Variants in SEL1L2 observed in about 807,000 individuals in gnomAD.
SEL1L2 encodes the protein SEL1L2 adaptor subunit of SYVN1 ubiquitin ligase.
Under a neutral mutation model 98.8 loss-of-function variants are expected in SEL1L2, and 89 were observed. That is an observed-to-expected ratio of 0.90 (90% CI 0.76 to 1.07). The LOEUF is 1.07. Among genes scored for constraint, SEL1L2 ranks in the 50% least tolerant of loss-of-function variants. SEL1L2 has a pLI of 0.00. For synonymous variants in SEL1L2, 262 were observed against 278.5 expected (o/e 0.94, Z 0.59); for missense variants, 788 against 812.0 (o/e 0.97, Z 0.36).
intron 1 of SEL1L2, among the ~76,000 whole-genome samples, chr20:13,965,046 T>G (rs1241432749): frequency 6.6e-6 from 1 of 152,152 alleles, no homozygotes; most frequent in East Asian, 1.9e-4. Flanking sequence ...TCACCTCTTC[T>G]CTCTGGCATG....
At chr20:13,916,829 A>G (rs2048427082) in intron 4 of SEL1L2, among the ~76,000 whole-genome samples, 1 of 152,122 alleles carries the variant, frequency 6.6e-6, no homozygotes, top group Non-Finnish European at 1.5e-5. Context: ...GGGGGTGGTC[A>G]GGAGACTGAG....
chr20:13,860,200 G>A (rs1274850709), intron 17 of SEL1L2, among the ~76,000 whole-genome samples: 1 of 152,108 alleles, frequency 6.6e-6, no homozygotes, highest in Non-Finnish European at 1.5e-5. Context: ...CATCTTCTAT[G>A]AACAAAAATA....
chr20:13,863,902 G>A (rs1004854450), intron 17 of SEL1L2, among the ~76,000 whole-genome samples: 16 of 151,568 alleles, frequency 1.1e-4, no homozygotes, highest in East Asian at 5.8e-4. Context: ...CCCAGGAGGC[G>A]GAGGTTGCAG....
At chr20:13,919,763 T>A (rs2048569715) in intron 3 of SEL1L2, among the ~76,000 whole-genome samples, 1 of 151,768 alleles carries the variant, frequency 6.6e-6, no homozygotes, top group African/African-American at 2.4e-5. Flanking sequence ...CTGTCTCTAC[T>A]GAAAATACAA....
At chr20:13,948,573 C>A (rs2050122746) in intron 2 of SEL1L2, among the ~76,000 whole-genome samples, 1 of 152,156 alleles carries the variant, frequency 6.6e-6, no homozygotes, top group African/African-American at 2.4e-5. Context: ...GAAATTGGAC[C>A]TTACCTTATT....
At chr20:13,886,196 T>C in intron 9 of SEL1L2, 92 bp downstream of exon 9, 1 of 854,874 alleles carries the variant, frequency 1.2e-6, no homozygotes, top group East Asian at 2.7e-5. Context: ...CTATTTAGGA[T>C]GGGGCATTGT....
At chr20:13,910,189 G>A (rs752494578) in intron 5 of SEL1L2, among the ~76,000 whole-genome samples, 1 of 152,162 alleles carries the variant, frequency 6.6e-6, no homozygotes, top group African/African-American at 2.4e-5. Context: ...CAAGTCATTA[G>A]GGGCCAGGTG....
At chr20:13,988,424 A>T (rs1486473384) in intron 1 of SEL1L2, among the ~76,000 whole-genome samples, 1 of 152,120 alleles carries the variant, frequency 6.6e-6, no homozygotes, top group Admixed American at 6.6e-5. Flanking sequence ...TGGAGAGATT[A>T]TCTCCTCCTG....
At chr20:13,933,431 C>G (rs1390636548) in intron 2 of SEL1L2, among the ~76,000 whole-genome samples, 1 of 145,138 alleles carries the variant, frequency 6.9e-6, no homozygotes, top group Non-Finnish European at 1.6e-5. Flanking sequence ...TCCCATCCTC[C>G]CTACCCCAGC....
At chr20:13,969,350 T>A (rs943131914) in intron 1 of SEL1L2, among the ~76,000 whole-genome samples, 2 of 152,304 alleles carry the variant, frequency 1.3e-5, no homozygotes, top group Non-Finnish European at 1.5e-5. Context: ...AAATCTTCCA[T>A]CATGTTTTAC....
intron 5 of SEL1L2, among the ~76,000 whole-genome samples, chr20:13,900,463 T>C (rs13040728): frequency 0.23 from 34,560 of 152,096 alleles, 4,372 homozygotes; most frequent in Non-Finnish European, 0.28. Context: ...CCTTGAGTTC[T>C]TGTTGTTTCA....
intron 18 of SEL1L2, among the ~76,000 whole-genome samples, chr20:13,856,602 C>G (rs968536649): frequency 1.3e-5 from 2 of 152,142 alleles, no homozygotes; most frequent in African/African-American, 4.8e-5. Context: ...AGACAAGGAG[C>G]TCACTGGCTG....
chr20:13,879,579 C>T (rs1187586323), intron 10 of SEL1L2, among the ~76,000 whole-genome samples: 1 of 152,128 alleles, frequency 6.6e-6, no homozygotes, highest in Non-Finnish European at 1.5e-5. Flanking sequence ...TCTTGAACTC[C>T]TGACCTCAGG....
intron 10 of SEL1L2, among the ~76,000 whole-genome samples, chr20:13,878,555 G>T (rs1246283861): frequency 6.6e-6 from 1 of 152,312 alleles, no homozygotes; most frequent in African/African-American, 2.4e-5. Context: ...GTGCAAAGAC[G>T]TTCCTTCTCA....
intron 2 of SEL1L2, among the ~76,000 whole-genome samples, chr20:13,947,610 AACAT>A (rs1460957333): frequency 6.6e-6 from 1 of 152,102 alleles, no homozygotes; most frequent in Non-Finnish European, 1.5e-5. Context: ...AAAGGGCTAA[AACAT>A]GCCCCCCACA....
chr20:13,911,435 A>C (rs2048201682), intron 5 of SEL1L2, among the ~76,000 whole-genome samples: 1 of 152,150 alleles, frequency 6.6e-6, no homozygotes, highest in African/African-American at 2.4e-5. Flanking sequence ...TAGTGATACC[A>C]TTTTTAGTGG....
chr20:13,885,415 G>A lies in SEL1L2; in HGVS notation c.901-12C>T. ...TGTCCAAGAGAGACCTAGGAATGAT[G>A]AGTTTGGAAATGATTTTAGCAGCAG... On this transcript the variant is annotated splice_polypyrimidine_tract_variant and intron_variant, in intron 9 of 19. Coordinates refer to ENST00000284951, the MANE Select transcript of SEL1L2 (RefSeq NM_025229.2). 2 of 1,575,870 alleles carry A rather than the reference G, an allele frequency of 1.3e-6. No individual in the cohort carries two copies. The highest frequency in any genetic ancestry group is 1.7e-6 in the Non-Finnish European group (2 of 1,145,310).
intron 2 of SEL1L2, among the ~76,000 whole-genome samples, chr20:13,932,679 C>T (rs1367100266): frequency 6.6e-6 from 1 of 152,152 alleles, no homozygotes; most frequent in Non-Finnish European, 1.5e-5. Flanking sequence ...GATCTGCCCG[C>T]CTCGGCCTCC....
At chr20:13,925,427 G>T (rs2048847296) in intron 3 of SEL1L2, among the ~76,000 whole-genome samples, 1 of 152,198 alleles carries the variant, frequency 6.6e-6, no homozygotes, top group Non-Finnish European at 1.5e-5. Context: ...GTTTTACCAG[G>T]GAGAGGTTTT....
Sources: allele counts gnomAD v4.1 joint callset (sites outside exome capture counted in the v4.1 genomes callset), GRCh38; gene constraint gnomAD v4.1.1; transcripts MANE v1.5; gene names NCBI Gene and HGNC (gene_info 2026-07-23, HGNC 2026-07-21).